CMTM1: variants seen among roughly 807,000 people sequenced by gnomAD.
CMTM1 encodes CKLF-like MARVEL transmembrane domain-containing protein 1.
In CMTM1, 16 loss-of-function variants were observed where a neutral mutation model predicts 17.8. The ratio of observed to expected loss-of-function variants is 0.90; its 90% CI spans 0.61 to 1.37. The LOEUF (loss-of-function observed/expected upper bound fraction) is 1.37, where lower values mean the gene tolerates loss of function less well. Ranked by LOEUF, CMTM1 falls within the 40% of genes most tolerant of loss-of-function variation. CMTM1 has a pLI of 0.00. For missense variants in CMTM1, 354 were observed against 375.6 expected (o/e 0.94, Z 0.47); for synonymous variants, 169 against 154.6 (o/e 1.09, Z -0.69).
At chr16:66,572,057 A>T (rs2013625504) in intron 2 of CMTM1, among the ~76,000 whole-genome samples, 1 of 152,010 alleles carries the variant, frequency 6.6e-6, no homozygotes, top group African/African-American at 2.4e-5. Context: ...TTTTTTGGGG[A>T]TGACTGGGAG....
chr16:66,572,616 A>G (rs1413489159), intron 2 of CMTM1, among the ~76,000 whole-genome samples: 1 of 152,122 alleles, frequency 6.6e-6, no homozygotes, highest in Non-Finnish European at 1.5e-5. Flanking sequence ...GGTCAATTTC[A>G]TACTAGAACT....
rs759583939 is a variant in CMTM1, at chr16:66,578,954, G to A, written c.814G>A (p.Asp272Asn). The A allele has an allele frequency of 6.2e-7, 1 of 1,614,114 alleles. No individual in the cohort carries two copies. The highest frequency in any genetic ancestry group is 8.5e-7 in the Non-Finnish European group (1 of 1,180,036). ...EVERKLSPAK[D>N]AYPETGPDAP... Reference sequence around the variant, plus strand: ...TGAAAGGAAGCTTTCCCCCGCCAAGGACGCCTACCCCGAAACCGGCCCCGA... The same window carrying A: ...TGAAAGGAAGCTTTCCCCCGCCAAGAACGCCTACCCCGAAACCGGCCCCGA... Residue 272 changes from aspartate to asparagine, a missense_variant, in exon 4 of 4, where the codon GAC becomes AAC. Asp to Asn is a conservative substitution (Grantham distance 23). Coordinates refer to ENST00000379500, the MANE Select transcript of CMTM1 (RefSeq NM_052999.4).
intron 2 of CMTM1, among the ~76,000 whole-genome samples, chr16:66,573,525 CAGAA>C (rs2013827328): frequency 6.6e-6 from 1 of 152,022 alleles, no homozygotes; most frequent in Non-Finnish European, 1.5e-5. Flanking sequence ...TTTTTGCCAA[CAGAA>C]AGCAATTTTT....
chr16:66,568,355 A>C (rs937254826), intron 1 of CMTM1, among the ~76,000 whole-genome samples: 1 of 152,254 alleles, frequency 6.6e-6, no homozygotes, highest in Non-Finnish European at 1.5e-5. Context: ...ATTATGTCAC[A>C]GAACATGTGA....
Position 66,566,559 on chromosome 16 carries a change from G to A in CMTM1, c.46G>A (p.Gly16Arg). The A allele has an allele frequency of 6.2e-7, 1 of 1,613,806 alleles. No individual in the cohort carries two copies. Among genetic ancestry groups the A allele is most frequent in the Non-Finnish European group, 8.5e-7 (1 of 1,179,892 alleles). ...ACCTGAGTCATCCGAGGCACCTTCA[G>A]GGAACTTGAAACAACCGGAGACTGC... is the stretch of plus-strand genomic sequence containing the variant. ...AKPESSEAPS[G>R]NLKQPETAAA... Residue 16 changes from glycine (G) to arginine (R), a missense_variant, in exon 1 of 4, where the codon GGG (glycine) becomes AGG (arginine). By Grantham distance (125) the Gly-to-Arg change is moderately radical (BLOSUM62 -2). Transcript: ENST00000379500. The surrounding 1 kb of genome is among the most constrained non-coding windows in gnomAD (Gnocchi z 4.9).
In CMTM1 at chr16:66,577,109, T is replaced by C; in HGVS notation, c.597T>C (p.Leu199=). The C allele has an allele frequency of 6.2e-7, 1 of 1,612,268 alleles. No homozygotes were observed. The highest frequency in any genetic ancestry group is 8.5e-7 in the Non-Finnish European group (1 of 1,179,258). The change falls in exon 3 of 4, where the codon CTT becomes CTC. Residue 199 remains leucine, a synonymous_variant. Coordinates refer to ENST00000379500, the MANE Select transcript of CMTM1 (RefSeq NM_052999.4). ...TTTTCAATTCTTTATTACAGGATCTTACCAACAGTATCATTACAGCTGTGT... is the reference window on the plus strand; with the variant it reads ...TTTTCAATTCTTTATTACAGGATCTCACCAACAGTATCATTACAGCTGTGT... The part of the protein sequence containing the change: ...LTYLHWPLLD[L]TNSIITAVFL...
rs762733007 is a variant in CMTM1 at position 66,567,094 on chromosome 16, C to T, written c.432+149C>T. 1.2e-5 allele frequency: 9 copies of T among 774,808 alleles called. No homozygotes were observed. In the South Asian group the frequency reaches 1.2e-4, roughly 10 times the overall value. 48.0% of individuals were successfully genotyped at this position (774,808 alleles called of 1,614,324 possible). A position where few individuals can be genotyped will look rare whatever the true frequency, so the allele number is the denominator to read the frequency against. On this transcript the variant is annotated intron_variant, in intron 1 of 3. Transcript: ENST00000379500. The stretch of plus-strand genomic sequence containing the variant: ...GCCTCACCTTTCCTCCCCACCACCC[C>T]CTGCTCCCCACACACTAAACCTTTC...
At chr16:66,567,154 CTTT>C (rs58132277) in intron 1 of CMTM1, 358 of 555,430 alleles carry the variant, frequency 6.4e-4, no homozygotes, top group East Asian at 1.3e-3. Context: ...CCTATTTTTT[CTTT>C]TTTTTTTTTT....
At chr16:66,573,987 T>G (rs562711509) in intron 2 of CMTM1, among the ~76,000 whole-genome samples, 1 of 151,906 alleles carries the variant, frequency 6.6e-6, no homozygotes, top group Admixed American at 6.6e-5. Flanking sequence ...GTGCCTGGCC[T>G]GTTTAACTTT....
chr16:66,576,134 C>A (rs572496139), intron 2 of CMTM1, among the ~76,000 whole-genome samples: 2 of 152,156 alleles, frequency 1.3e-5, no homozygotes, highest in Non-Finnish European at 2.9e-5. Context: ...CGGTGGCTCA[C>A]GCCTATAATC....
In CMTM1 at chr16:66,576,749, A is replaced by C. The variant is rs1010287542; in HGVS notation, c.592-355A>C. 6.6e-5 allele frequency among the ~76,000 whole-genome samples: 10 copies of C among 152,158 alleles called. No homozygotes were observed. In the South Asian group the frequency reaches 1.0e-3, roughly 16 times the overall value. On this transcript the variant is annotated intron_variant, in intron 2 of 3. Coordinates refer to ENST00000379500, the MANE Select transcript of CMTM1 (RefSeq NM_052999.4). ...TACATTAAAAAATATAAGACTTCCC[A>C]AAAAAAATCACATTTATGGAGGGCC...
At chr16:66,578,121 A>G (rs1567379917) in intron 3 of CMTM1, among the ~76,000 whole-genome samples, 1 of 152,148 alleles carries the variant, frequency 6.6e-6, no homozygotes, top group Non-Finnish European at 1.5e-5. Flanking sequence ...GCACAGGGGA[A>G]TATCTGTGCC....
chr16:66,571,159 C>T (rs893852586), intron 2 of CMTM1: 43 of 457,292 alleles, frequency 9.4e-5, no homozygotes, highest in African/African-American at 6.8e-4. Context: ...AGGAAGCAGA[C>T]AAAGCAAATA....
At chr16:66,578,463 G>A (rs963590409) in intron 3 of CMTM1, among the ~76,000 whole-genome samples, 1 of 152,046 alleles carries the variant, frequency 6.6e-6, no homozygotes, top group Non-Finnish European at 1.5e-5. Context: ...CTCCCCTTAG[G>A]AACTCCTTCC....
intron 2 of CMTM1, among the ~76,000 whole-genome samples, chr16:66,576,445 G>A (rs1235839099): frequency 6.6e-6 from 1 of 151,544 alleles, no homozygotes; most frequent in Non-Finnish European, 1.5e-5. Flanking sequence ...AAACCCAGAA[G>A]AAGGAGCACA....
At chr16:66,573,507 A>C (rs2013824053) in intron 2 of CMTM1, among the ~76,000 whole-genome samples, 1 of 152,182 alleles carries the variant, frequency 6.6e-6, no homozygotes, top group Non-Finnish European at 1.5e-5. Context: ...GTTCTGGTGA[A>C]GCAGATGTTT....
In CMTM1 at chr16:66,575,829, G is replaced by A. The variant is rs574109980; in HGVS notation, c.592-1275G>A. On this transcript the variant is annotated intron_variant, in intron 2 of 3. Transcript: ENST00000379500. ...GCAGTGCTTCTTGCTGTGTTTGGACGAGTGTGCCAGAAAGGCTGCCATTAC... is the reference window on the plus strand; with the variant it reads ...GCAGTGCTTCTTGCTGTGTTTGGACAAGTGTGCCAGAAAGGCTGCCATTAC... Among the ~76,000 whole-genome samples the A allele has an allele frequency of 4.6e-5, 7 of 152,334 alleles. No individual in the cohort carries two copies. The South Asian group carries it at 6.2e-4, about 14-fold the overall frequency.
chr16:66,567,233 G>A (rs1004914415), intron 1 of CMTM1: 4 of 491,502 alleles, frequency 8.1e-6, no homozygotes, highest in Middle Eastern at 5.0e-4. Context: ...AGGTATATAC[G>A]CGCCATGGTG....
At chr16:66,571,837 G>T (rs2013588912) in intron 2 of CMTM1, among the ~76,000 whole-genome samples, 1 of 152,198 alleles carries the variant, frequency 6.6e-6, no homozygotes, top group African/African-American at 2.4e-5. Context: ...ATACTTTGCT[G>T]TAGGGTTCAG....
Sources: gnomAD v4.1 joint callset for allele counts (sites outside exome capture counted in the v4.1 genomes callset) on GRCh38, gnomAD v4.1.1 for gene constraint, Gnocchi (gnomAD v3.1) non-coding constraint, MANE v1.5 for transcripts, NCBI Gene and HGNC (gene_info 2026-07-23, HGNC 2026-07-21) for gene names.